The following RRP1B variants were observed in gnomAD, a reference collection of about 807,000 sequenced individuals.
RRP1B encodes the protein ribosomal RNA processing 1B.
RRP1B carries 56 observed loss-of-function variants against 80.2 expected under a neutral mutation model. The ratio of observed to expected loss-of-function variants is 0.70; its 90% CI spans 0.56 to 0.87. RRP1B has a LOEUF of 0.87. RRP1B is among the 40% of genes least tolerant of loss of function. The pLI, the probability that RRP1B is intolerant of heterozygous loss-of-function variation, is 0.00. For synonymous variants in RRP1B, 351 were observed against 357.6 expected (o/e 0.98, Z 0.21); for missense variants, 807 against 939.8 (o/e 0.86, Z 1.85).
At position 43,669,910 on chromosome 21, in the gene RRP1B, A is replaced by C; in HGVS notation, c.157A>C (p.Lys53Gln). 1 of 1,612,992 alleles carries C rather than the reference A, an allele frequency of 6.2e-7. No individual in the cohort carries two copies. Among genetic ancestry groups the C allele is most frequent in the Non-Finnish European group, 8.5e-7 (1 of 1,179,102 alleles). Residue 53 changes from lysine (K) to glutamine (Q), a missense_variant, in exon 2 of 16, where the codon AAA becomes CAA. By Grantham distance (53) the Lys-to-Gln change is moderately conservative. Coordinates refer to ENST00000340648, the MANE Select transcript of RRP1B (RefSeq NM_015056.3). Reference sequence around the variant, plus strand: ...AGGTTTCAGTCAGGAAGAACTTCTGAAAATCTGGAAGGGGCTCTTCTACTG... The same window carrying C: ...AGGTTTCAGTCAGGAAGAACTTCTGCAAATCTGGAAGGGGCTCTTCTACTG... ...TGGFSQEELL[K>Q]IWKGLFYCMW...
In RRP1B at chr21:43,688,154, A is replaced by G; in HGVS notation, c.1780A>G (p.Lys594Glu). 1 of 1,579,638 alleles carries G rather than the reference A, an allele frequency of 6.3e-7. No individual in the cohort carries two copies. Among genetic ancestry groups the G allele is most frequent in the African/African-American group, 1.3e-5 (1 of 74,288 alleles). The part of the protein sequence containing the change: ...GLPSQKTASL[K>E]KRKKMRVMSN... The stretch of plus-strand genomic sequence containing the variant: ...GCCCAGCCAGAAAACAGCAAGTTTG[A>G]AAAAGAGGAAGAAAATGAGAGTGAT... The change falls in exon 13 of 16, where the codon AAA becomes GAA. Residue 594 changes from lysine (K) to glutamate (E), a missense_variant. By Grantham distance (56) the Lys-to-Glu change is moderately conservative. Transcript: ENST00000340648.
chr21:43,669,138 C>T (rs2082989729), intron 1 of RRP1B, among the ~76,000 whole-genome samples: 1 of 151,718 alleles, frequency 6.6e-6, no homozygotes, highest in Non-Finnish European at 1.5e-5. Flanking sequence ...AGTAAATGAT[C>T]ACCGTTGCAG....
At chr21:43,690,197 G>A (rs986995093) in intron 13 of RRP1B, 91 bp from the exon 14 acceptor site, 1 of 1,472,634 alleles carries the variant, frequency 6.8e-7, no homozygotes, top group African/African-American at 1.4e-5. Flanking sequence ...GGATCTGCCT[G>A]GGGCTCTGCC....
Position 43,659,769 on chromosome 21 carries a change from C to A in RRP1B, c.105C>A (p.Ile35=). ...DRAVKKLRQY[I]SVKTQRETGG... is the part of the protein sequence containing the mutation. Reference sequence around the variant, plus strand: ...CGGTGAAGAAGCTGCGCCAGTACATCAGCGTGAAGACGCAGAGGGAGACAG... The same window carrying A: ...CGGTGAAGAAGCTGCGCCAGTACATAAGCGTGAAGACGCAGAGGGAGACAG... The change falls in exon 1 of 16, where the codon ATC becomes ATA. Residue 35 remains isoleucine (I), a synonymous_variant. Transcript: ENST00000340648. This position sits in a 1 kb window ranked among gnomAD's most constrained non-coding sequence, Gnocchi z 4.2. The A allele has an allele frequency of 6.6e-7, 1 of 1,519,964 alleles. No homozygotes were observed. Among genetic ancestry groups the A allele is most frequent in the South Asian group, 1.2e-5 (1 of 80,952 alleles). 94.2% of individuals were successfully genotyped at this position (1,519,964 alleles called of 1,614,324 possible).
intron 8 of RRP1B, among the ~76,000 whole-genome samples, chr21:43,681,914 G>A (rs2083045115): frequency 6.6e-6 from 1 of 152,198 alleles, no homozygotes; most frequent in South Asian, 2.1e-4. Flanking sequence ...TCGTGTCACT[G>A]CACTGCGTCC....
At chr21:43,669,270 G>A (rs1189243434) in intron 1 of RRP1B, among the ~76,000 whole-genome samples, 1 of 152,194 alleles carries the variant, frequency 6.6e-6, no homozygotes, top group Non-Finnish European at 1.5e-5. Context: ...CAGGGAGGGT[G>A]ACTGGGAGGC....
chr21:43,678,690 C>T (rs1013111025), intron 8 of RRP1B, among the ~76,000 whole-genome samples: 1 of 152,154 alleles, frequency 6.6e-6, no homozygotes, highest in Non-Finnish European at 1.5e-5. Flanking sequence ...TTGTTGGCTG[C>T]ATAATTGGCA....
intron 1 of RRP1B, among the ~76,000 whole-genome samples, chr21:43,660,353 C>CG (rs1245190503): frequency 1.3e-5 from 2 of 152,158 alleles, no homozygotes; most frequent in Non-Finnish European, 2.9e-5. Flanking sequence ...CACCTGAGGT[C>CG]GGGAGTTCGA....
At chr21:43,683,191 C>T in intron 8 of RRP1B, 88 bp from the exon 9 acceptor site, 1 of 1,057,128 alleles carries the variant, frequency 9.5e-7, no homozygotes, top group Admixed American at 2.1e-5. Flanking sequence ...TGCTAAGAGA[C>T]ACCTAATTAG....
chr21:43,686,980 G>T, intron 12 of RRP1B, 45 bp downstream of exon 12: 1 of 1,601,792 alleles, frequency 6.2e-7, no homozygotes, highest in Non-Finnish European at 8.5e-7. Flanking sequence ...AGCCCTTGGG[G>T]AGCGGCATGC....
At chr21:43,687,386 G>T in intron 12 of RRP1B, 130 bp from the exon 13 acceptor site, 1 of 1,094,848 alleles carries the variant, frequency 9.1e-7, no homozygotes, top group Non-Finnish European at 1.3e-6. Flanking sequence ...GTACCTCAAG[G>T]GAGACAGGAA....
intron 1 of RRP1B, among the ~76,000 whole-genome samples, chr21:43,661,293 C>T (rs956944491): frequency 2.6e-5 from 4 of 152,216 alleles, no homozygotes; most frequent in African/African-American, 9.7e-5. Flanking sequence ...CCTTGCTAGC[C>T]TGGCTTCTCT....
At chr21:43,660,400 C>G (rs982074291) in intron 1 of RRP1B, among the ~76,000 whole-genome samples, 29 of 152,162 alleles carry the variant, frequency 1.9e-4, no homozygotes, top group African/African-American at 6.7e-4. Flanking sequence ...CCCGGCTCTA[C>G]TAAAAATACA....
chr21:43,677,727 T>G (rs2083028227), intron 8 of RRP1B, among the ~76,000 whole-genome samples: 3 of 152,246 alleles, frequency 2.0e-5, no homozygotes, highest in African/African-American at 7.2e-5. Context: ...AACGTTTATT[T>G]GTGCTTTTAT....
At chr21:43,660,398 T>A (rs2082947569) in intron 1 of RRP1B, among the ~76,000 whole-genome samples, 1 of 152,090 alleles carries the variant, frequency 6.6e-6, no homozygotes, top group Non-Finnish European at 1.5e-5. Context: ...ACCCCGGCTC[T>A]ACTAAAAATA....
chr21:43,677,665 TTTTC>T (rs1191064336), intron 8 of RRP1B, among the ~76,000 whole-genome samples: 7 of 152,216 alleles, frequency 4.6e-5, no homozygotes, highest in Admixed American at 6.5e-5. Flanking sequence ...GTTGTTTGGG[TTTTC>T]TTTAATTATT....
intron 2 of RRP1B, among the ~76,000 whole-genome samples, chr21:43,671,055 AG>A (rs1381482482): frequency 6.6e-6 from 1 of 152,226 alleles, no homozygotes; most frequent in African/African-American, 2.4e-5. Context: ...TTTCCCACGA[AG>A]GAAAACAGAC....
intron 9 of RRP1B, 137 bp from the exon 10 acceptor site, chr21:43,684,416 A>C: frequency 1.4e-6 from 1 of 729,940 alleles, no homozygotes; most frequent in Non-Finnish European, 2.4e-6. Flanking sequence ...CTGGTTGCCA[A>C]GTCCCAGCAC....
chr21:43,670,054 TACACTGACGC>T, intron 2 of RRP1B, 88 bp downstream of exon 2: 1 of 873,896 alleles, frequency 1.1e-6, no homozygotes, highest in Admixed American at 2.3e-5. Context: ...AGTCCCCCGA[TACACTGACGC>T]ACACTGACAG....
Sources: gnomAD v4.1 joint callset for allele counts (sites outside exome capture counted in the v4.1 genomes callset) on GRCh38, gnomAD v4.1.1 for gene constraint, Gnocchi (gnomAD v3.1) non-coding constraint, MANE v1.5 for transcripts, NCBI Gene and HGNC (gene_info 2026-07-23, HGNC 2026-07-21) for gene names.